The following PCDH15 variants were observed in gnomAD, a reference collection of about 807,000 sequenced individuals.
The protein encoded by PCDH15 is protocadherin related 15, also known as protocadherin-15.
Under a neutral mutation model 178.5 loss-of-function variants are expected in PCDH15, and 129 were observed. That is an observed-to-expected ratio of 0.72 (90% CI 0.63 to 0.84). PCDH15 has a LOEUF of 0.84. Among genes scored for constraint, PCDH15 ranks in the 40% least tolerant of loss-of-function variants. PCDH15 has a pLI of 0.00. For missense variants in PCDH15, 2,230 were observed against 2,099.9 expected, an observed-to-expected ratio of 1.06 and a Z score of -1.21; for synonymous variants, 800 against 732.0, an observed-to-expected ratio of 1.09 and a Z score of -1.50.
chr10:55,379,268 C>T lies in PCDH15; in HGVS notation c.-155-212617G>A, dbSNP rs144899939. Among the ~76,000 whole-genome samples, 576 of 151,904 alleles carry T rather than the reference C, an allele frequency of 3.8e-3. 5 individuals carry two copies. Among genetic ancestry groups the T allele is most frequent in the African/African-American group, 0.011 (472 of 41,424 alleles). On this transcript the variant is annotated intron_variant, in intron 2 of 5. Transcript: ENST00000613346. ...GTCTAAGGCCTTTGGTAATCACAGA[C>T]GCTTTCTTCAATGTGTTATTCTCCT...
intron 8 of PCDH15, among the ~76,000 whole-genome samples, chr10:54,292,538 G>C (rs951132136): frequency 6.6e-6 from 1 of 152,190 alleles, no homozygotes; most frequent in Non-Finnish European, 1.5e-5. Context: ...AATTGTCCCT[G>C]TTTGCAGATG....
chr10:55,234,505 G>C (rs1251140075), intron 1 of PCDH15, among the ~76,000 whole-genome samples: 1 of 151,638 alleles, frequency 6.6e-6, no homozygotes, highest in Non-Finnish European at 1.5e-5. Context: ...CCATGCTCAA[G>C]TGATGCTCCC....
chr10:54,182,707 G>A (rs141143085), intron 13 of PCDH15, among the ~76,000 whole-genome samples: 97 of 152,094 alleles, frequency 6.4e-4, no homozygotes, highest in African/African-American at 2.1e-3. Context: ...AATATCTAGT[G>A]GGATTATGCA....
chr10:54,715,397 T>C (rs1375619349), intron 1 of PCDH15, among the ~76,000 whole-genome samples: 3 of 152,068 alleles, frequency 2.0e-5, no homozygotes, highest in African/African-American at 7.2e-5. Flanking sequence ...AAATGGCGGG[T>C]TAGAGGCTGT....
At chr10:55,222,126 C>T (rs1442870773) in intron 1 of PCDH15, among the ~76,000 whole-genome samples, 2 of 151,606 alleles carry the variant, frequency 1.3e-5, no homozygotes, top group Non-Finnish European at 2.9e-5. Flanking sequence ...CCACCTGCCT[C>T]GGCCTCCCAA....
At chr10:54,982,478 C>T (rs947872248) in intron 2 of PCDH15, among the ~76,000 whole-genome samples, 4 of 152,168 alleles carry the variant, frequency 2.6e-5, no homozygotes, top group South Asian at 2.1e-4. Context: ...ATATTATTTG[C>T]ATAGGTAGGA....
At chr10:54,182,529 G>A (rs527859379) in intron 13 of PCDH15, among the ~76,000 whole-genome samples, 27 of 152,076 alleles carry the variant, frequency 1.8e-4, no homozygotes, top group African/African-American at 5.8e-4. Context: ...GTGTGTGTGT[G>A]TGTGTGTGTT....
At chr10:55,094,757 A>G (rs1180984691) in intron 2 of PCDH15, among the ~76,000 whole-genome samples, 1 of 152,034 alleles carries the variant, frequency 6.6e-6, no homozygotes, top group African/African-American at 2.4e-5. Flanking sequence ...CAGTCTCTAC[A>G]ACCAGCACTG....
intron 2 of PCDH15, among the ~76,000 whole-genome samples, chr10:55,518,127 T>C (rs1038613504): frequency 4.6e-5 from 7 of 152,062 alleles, no homozygotes; most frequent in East Asian, 1.9e-4. Context: ...GGGTTTCACA[T>C]AGAATAACTC....
intron 13 of PCDH15, among the ~76,000 whole-genome samples, chr10:54,170,906 TC>T (rs1209270689): frequency 2.6e-5 from 4 of 151,950 alleles, no homozygotes; most frequent in African/African-American, 7.3e-5. Flanking sequence ...CTACTACTCC[TC>T]AGGGATTATT....
intron 1 of PCDH15, among the ~76,000 whole-genome samples, chr10:54,752,476 C>CAAAAAAA (rs755874514): frequency 8.5e-4 from 76 of 89,632 alleles, no homozygotes; most frequent in Non-Finnish European, 1.5e-3. Flanking sequence ...GACTCCGTCT[C>CAAAAAAA]AAAAAAAAAA....
chr10:54,412,139 C>T (rs1239944654), intron 3 of PCDH15, among the ~76,000 whole-genome samples: 3 of 151,210 alleles, frequency 2.0e-5, no homozygotes, highest in Admixed American at 6.6e-5. Flanking sequence ...GAGGAACTGA[C>T]AATAGATGGA....
chr10:55,151,617 CA>C (rs1333351974), intron 2 of PCDH15, among the ~76,000 whole-genome samples: 1 of 151,852 alleles, frequency 6.6e-6, no homozygotes, highest in Non-Finnish European at 1.5e-5. Flanking sequence ...CTGGAATAAC[CA>C]AAGGTAAAAA....
chr10:55,001,696 G>A (rs1481727900), intron 2 of PCDH15, among the ~76,000 whole-genome samples: 1 of 152,078 alleles, frequency 6.6e-6, no homozygotes, highest in Non-Finnish European at 1.5e-5. Context: ...GCTCACCCTT[G>A]GAAGGTGTGG....
intron 20 of PCDH15, among the ~76,000 whole-genome samples, chr10:54,001,650 G>A (rs976078010): frequency 6.6e-6 from 1 of 151,898 alleles, no homozygotes; most frequent in Non-Finnish European, 1.5e-5. Flanking sequence ...AGGAAGGAAA[G>A]AAAGAAAGAA....
At chr10:54,597,917 C>CTTA (rs2092321022) in intron 2 of PCDH15, among the ~76,000 whole-genome samples, 1 of 152,168 alleles carries the variant, frequency 6.6e-6, no homozygotes, top group Non-Finnish European at 1.5e-5. Context: ...CACATACAGT[C>CTTA]TTCCAAGCTG....
At chr10:55,245,258 G>C (rs958528822) in intron 1 of PCDH15, among the ~76,000 whole-genome samples, 55 of 152,112 alleles carry the variant, frequency 3.6e-4, no homozygotes, top group African/African-American at 1.3e-3. Flanking sequence ...AACATTTGCT[G>C]TAATGTTTTG....
chr10:54,895,543 C>A (rs1277737334), intron 3 of PCDH15, among the ~76,000 whole-genome samples: 1 of 152,182 alleles, frequency 6.6e-6, no homozygotes, highest in Non-Finnish European at 1.5e-5. Context: ...ATTTTGCCCC[C>A]TTTGCACTGT....
chr10:54,195,689 T>A lies in PCDH15; in HGVS notation c.1299A>T (p.Ile433=). Residue 433 remains isoleucine (I), a synonymous_variant, in exon 11 of 38, where the codon ATA becomes ATT. Transcript: ENST00000644397. ...AAATATGTATTTAACTTACATCTTC[T>A]ATGTCCTTGTCCAGAGCTACTATTC... ...PLRIVALDKD[I]EDTKDPELHL... 6.2e-7 allele frequency: 1 copy of A among 1,612,868 alleles called. No homozygotes were observed. The highest frequency in any genetic ancestry group is 1.1e-5 in the South Asian group (1 of 91,042).
Sources: gnomAD v4.1 joint callset for allele counts (sites outside exome capture counted in the v4.1 genomes callset) on GRCh38, gnomAD v4.1.1 for gene constraint, MANE v1.5 for transcripts, NCBI Gene and HGNC (gene_info 2026-07-23, HGNC 2026-07-21) for gene names.